PTPRD: variants seen among roughly 807,000 people sequenced by gnomAD.
The protein encoded by PTPRD is receptor-type tyrosine-protein phosphatase delta.
In PTPRD, 34 loss-of-function variants were observed where a neutral mutation model predicts 214.5. The ratio of observed to expected loss-of-function variants is 0.16; its 90% CI spans 0.12 to 0.21. The LOEUF (loss-of-function observed/expected upper bound fraction) is 0.21. Ranked by LOEUF, PTPRD falls within the 10% of genes least tolerant of loss-of-function variation. PTPRD has a pLI of 1.00. For missense variants in PTPRD, 2,545 were observed against 2,398.7 expected, an observed-to-expected ratio of 1.06 and a Z score of -1.27; for synonymous variants, 1,128 against 845.7, an observed-to-expected ratio of 1.33 and a Z score of -5.79.
At position 9,089,772 on chromosome 9, in the gene PTPRD, GT is replaced by G. The variant is rs548229987; in HGVS notation, c.-142-71038del. The stretch of plus-strand genomic sequence containing the variant: ...ATACTTGTCAGGGCTGGGGAAAATA[GT>G]TTTGTGAAGGTTTCCAAAGTAAGAA... On this transcript the variant is annotated intron_variant, in intron 10 of 45. Transcript: ENST00000381196. Among the ~76,000 whole-genome samples, 18 of 152,272 alleles carry G rather than the reference GT, an allele frequency of 1.2e-4. No individual in the cohort carries two copies. In the East Asian group the frequency reaches 3.5e-3, roughly 29 times the overall value.
intron 11 of PTPRD, among the ~76,000 whole-genome samples, chr9:8,798,471 A>T (rs547444722): frequency 6.6e-6 from 1 of 152,192 alleles, no homozygotes; most frequent in East Asian, 1.9e-4. Flanking sequence ...AGAAGTTCTG[A>T]TATTTACTCA....
intron 2 of PTPRD, among the ~76,000 whole-genome samples, chr9:10,567,317 C>A (rs927397159): frequency 1.1e-4 from 17 of 152,076 alleles, no homozygotes; most frequent in Non-Finnish European, 1.8e-4. Context: ...AAATCTATCA[C>A]ATATTCATAA....
intron 3 of PTPRD, among the ~76,000 whole-genome samples, chr9:10,307,675 G>C (rs2096126340): frequency 6.6e-6 from 1 of 151,968 alleles, no homozygotes; most frequent in Middle Eastern, 3.2e-3. Flanking sequence ...CACCAACAGT[G>C]TATAACAGTT....
intron 44 of PTPRD, among the ~76,000 whole-genome samples, chr9:8,324,488 T>C (rs1007551732): frequency 6.6e-6 from 1 of 152,204 alleles, no homozygotes; most frequent in African/African-American, 2.4e-5. Context: ...ATTTTCTTTA[T>C]CCAATCTATC....
At chr9:9,867,368 A>T (rs991072457) in intron 5 of PTPRD, among the ~76,000 whole-genome samples, 2 of 152,158 alleles carry the variant, frequency 1.3e-5, no homozygotes, top group Admixed American at 1.3e-4. Flanking sequence ...TTCTCAAATT[A>T]TGCCTCTTGT....
intron 3 of PTPRD, among the ~76,000 whole-genome samples, chr9:10,113,098 T>C (rs2098704866): frequency 6.6e-6 from 1 of 152,200 alleles, no homozygotes; most frequent in Non-Finnish European, 1.5e-5. Flanking sequence ...CACTCACTTT[T>C]ATCAAGCCAG....
Position 9,120,625 on chromosome 9 carries a change from G to A in PTPRD, c.-143+62679C>T, listed in dbSNP as rs531831764. Among the ~76,000 whole-genome samples the A allele has an allele frequency of 2.6e-5, 4 of 152,326 alleles. No homozygotes were observed. The South Asian group carries it at 6.2e-4, about 24-fold the overall frequency. Reference sequence around the variant, plus strand: ...TGCGTAAGTGGTTCTCAATCATGAAGCAGATCATCTGGAGAGGAGGGTAAA... The same window carrying A: ...TGCGTAAGTGGTTCTCAATCATGAAACAGATCATCTGGAGAGGAGGGTAAA... On this transcript the variant is annotated intron_variant, in intron 10 of 45. Coordinates refer to ENST00000381196, the MANE Select transcript of PTPRD (RefSeq NM_002839.4).
intron 2 of PTPRD, among the ~76,000 whole-genome samples, chr9:10,428,571 C>T (rs563541259): frequency 1.5e-4 from 23 of 152,126 alleles, no homozygotes; most frequent in African/African-American, 5.5e-4. Context: ...GCCTTGACAA[C>T]TCAACCTTCT....
intron 8 of PTPRD, among the ~76,000 whole-genome samples, chr9:9,552,335 GCAGT>G (rs201635570): frequency 0.017 from 2,510 of 152,008 alleles, 38 homozygotes; most frequent in Admixed American, 0.026. Context: ...GGATAATTTC[GCAGT>G]CAATTGCCAT....
intron 36 of PTPRD, among the ~76,000 whole-genome samples, chr9:8,397,380 C>T (rs1165222597): frequency 6.6e-6 from 1 of 152,110 alleles, no homozygotes; most frequent in African/African-American, 2.4e-5. Context: ...GTTAGAACTT[C>T]ACATGGAACA....
intron 12 of PTPRD, among the ~76,000 whole-genome samples, chr9:8,703,360 A>T (rs999772453): frequency 2.0e-5 from 3 of 152,192 alleles, no homozygotes; most frequent in African/African-American, 4.8e-5. Flanking sequence ...CCAGATTCAG[A>T]ATTCTCTGTT....
intron 14 of PTPRD, among the ~76,000 whole-genome samples, chr9:8,536,070 T>C (rs1286685310): frequency 2.6e-5 from 4 of 151,970 alleles, no homozygotes; most frequent in Admixed American, 2.6e-4. Context: ...CATTTTTTTG[T>C]GGCTATAAAA....
chr9:8,729,322 G>A (rs952159200), intron 12 of PTPRD, among the ~76,000 whole-genome samples: 4 of 151,946 alleles, frequency 2.6e-5, no homozygotes, highest in East Asian at 1.9e-4. Flanking sequence ...TTTAATGCCC[G>A]GAAGCAAGGG....
chr9:9,178,435 G>A lies in PTPRD; in HGVS notation c.-143+4869C>T, dbSNP rs1404502262. Among the ~76,000 whole-genome samples, 3 of 151,664 alleles carry A rather than the reference G, an allele frequency of 2.0e-5. No homozygotes were observed. The South Asian group carries it at 6.3e-4, about 32-fold the overall frequency. On this transcript the variant is annotated intron_variant, in intron 10 of 45. Coordinates refer to ENST00000381196, the MANE Select transcript of PTPRD (RefSeq NM_002839.4). ...GTGGTTTTAAACACAGAATAAAAAT[G>A]ATTTGAATCACAGATATACTACCAA... is the stretch of plus-strand genomic sequence containing the variant.
chr9:8,521,530 T>C lies in PTPRD; in HGVS notation c.708A>G (p.Pro236=). The change falls in exon 20 of 46, where the codon CCA becomes CCG. Residue 236 remains proline (P), a synonymous_variant. Transcript: ENST00000381196. ...RELREVRRVP[P]RFSIPPTNHE... is the part of the protein sequence containing the mutation. Reference sequence around the variant, plus strand: ...GATTAGTGGGTGGGATAGAGAATCTTGGTGGGACACGGCGAACTGGAACAA... The same window carrying C: ...GATTAGTGGGTGGGATAGAGAATCTCGGTGGGACACGGCGAACTGGAACAA... The C allele has an allele frequency of 1.2e-6, 2 of 1,613,646 alleles. No individual in the cohort carries two copies. Among genetic ancestry groups the C allele is most frequent in the Non-Finnish European group, 8.5e-7 (1 of 1,179,736 alleles).
intron 2 of PTPRD, among the ~76,000 whole-genome samples, chr9:10,483,804 G>A (rs1022501162): frequency 1.3e-5 from 2 of 152,076 alleles, no homozygotes; most frequent in Non-Finnish European, 2.9e-5. Flanking sequence ...TGGTGCAAAG[G>A]GAACACAAAC....
intron 5 of PTPRD, among the ~76,000 whole-genome samples, chr9:9,805,702 A>T (rs1269636111): frequency 6.6e-6 from 1 of 152,204 alleles, no homozygotes; most frequent in African/African-American, 2.4e-5. Flanking sequence ...CAGCTTAAAA[A>T]GCAATTTGGT....
At chr9:10,201,829 A>G (rs1344237671) in intron 3 of PTPRD, among the ~76,000 whole-genome samples, 1 of 152,102 alleles carries the variant, frequency 6.6e-6, no homozygotes, top group Non-Finnish European at 1.5e-5. Flanking sequence ...TTGAAAATAC[A>G]TCAAAATCTG....
chr9:9,129,050 G>A (rs977796794), intron 10 of PTPRD, among the ~76,000 whole-genome samples: 1 of 152,184 alleles, frequency 6.6e-6, no homozygotes, highest in East Asian at 1.9e-4. Context: ...ACCACATTTA[G>A]TGAGAGTACT....
Sources: allele counts gnomAD v4.1 joint callset (sites outside exome capture counted in the v4.1 genomes callset), GRCh38; gene constraint gnomAD v4.1.1; transcripts MANE v1.5; gene names NCBI Gene and HGNC (gene_info 2026-07-23, HGNC 2026-07-21).